FSHR: variants seen among roughly 807,000 people sequenced by gnomAD.
FSHR encodes follicle-stimulating hormone receptor.
A neutral mutation model predicts 52.1 loss-of-function variants in FSHR; 46 were observed. The ratio of observed to expected loss-of-function variants is 0.88; its 90% confidence interval spans 0.70 to 1.13. The LOEUF is 1.13. Ranked by LOEUF, FSHR falls within the 50% of genes most tolerant of loss-of-function variation. The pLI, the probability that FSHR is intolerant of heterozygous loss-of-function variation, is 0.00. For missense variants in FSHR, 964 were observed against 834.6 expected (o/e 1.16, Z -1.91); for synonymous variants, 399 against 309.6 (o/e 1.29, Z -3.03).
intron 6 of FSHR, among the ~76,000 whole-genome samples, chr2:48,986,016 T>G (rs1399924657): frequency 1.3e-5 from 2 of 152,176 alleles, no homozygotes; most frequent in African/African-American, 2.4e-5. Context: ...CCCGGCCGCA[T>G]GTACACGTTT....
chr2:49,087,823 T>G (rs1202731263), intron 1 of FSHR, among the ~76,000 whole-genome samples: 1 of 152,138 alleles, frequency 6.6e-6, no homozygotes, highest in Non-Finnish European at 1.5e-5. Context: ...TTATCTAAGT[T>G]TCTTAGGAAA....
chr2:49,100,035 A>G (rs1281454640), intron 1 of FSHR, among the ~76,000 whole-genome samples: 2 of 152,176 alleles, frequency 1.3e-5, no homozygotes, highest in Non-Finnish European at 2.9e-5. Context: ...TAATGGTAAT[A>G]GCTCACTTTC....
intron 1 of FSHR, among the ~76,000 whole-genome samples, chr2:49,131,307 A>G (rs1672253620): frequency 6.6e-6 from 1 of 152,162 alleles, no homozygotes; most frequent in Non-Finnish European, 1.5e-5. Flanking sequence ...ATTGGAGCCT[A>G]TTTGCTTTTA....
chr2:49,130,171 A>C (rs542362694), intron 1 of FSHR, among the ~76,000 whole-genome samples: 1 of 152,330 alleles, frequency 6.6e-6, no homozygotes, highest in Non-Finnish European at 1.5e-5. Context: ...AGGATAATAG[A>C]GGGGTCTGCC....
chr2:48,966,727 G>C (rs939858340), intron 9 of FSHR, among the ~76,000 whole-genome samples: 1 of 152,174 alleles, frequency 6.6e-6, no homozygotes, highest in Non-Finnish European at 1.5e-5. Context: ...GTTTGTGTGT[G>C]AATTTGATAA....
At chr2:49,095,246 A>G (rs1670779535) in intron 1 of FSHR, among the ~76,000 whole-genome samples, 3 of 152,178 alleles carry the variant, frequency 2.0e-5, no homozygotes, top group Admixed American at 6.5e-5. Context: ...AGCTACAGTA[A>G]TAAGATGTGG....
chr2:49,087,212 T>C (rs1670434168), intron 1 of FSHR, among the ~76,000 whole-genome samples: 1 of 151,860 alleles, frequency 6.6e-6, no homozygotes, highest in African/African-American at 2.4e-5. Flanking sequence ...CTCTTCTTTG[T>C]TCAATGGAGG....
At chr2:49,131,318 T>C (rs561741414) in intron 1 of FSHR, among the ~76,000 whole-genome samples, 2 of 152,326 alleles carry the variant, frequency 1.3e-5, no homozygotes, top group African/African-American at 4.8e-5. Context: ...TTTGCTTTTA[T>C]GCATAAAAGA....
At chr2:49,043,931 TC>T (rs1409234383) in intron 2 of FSHR, among the ~76,000 whole-genome samples, 6 of 152,194 alleles carry the variant, frequency 3.9e-5, no homozygotes, top group African/African-American at 1.2e-4. Flanking sequence ...CATAAAACCT[TC>T]TCTTGCTTCT....
intron 1 of FSHR, among the ~76,000 whole-genome samples, chr2:49,118,259 G>A (rs1026141310): frequency 6.6e-6 from 1 of 152,050 alleles, no homozygotes; most frequent in Admixed American, 6.6e-5. Flanking sequence ...GGAGGGGGAG[G>A]GAGCACAGAG....
intron 1 of FSHR, among the ~76,000 whole-genome samples, chr2:49,142,119 T>C (rs1672708932): frequency 6.6e-6 from 1 of 152,212 alleles, no homozygotes; most frequent in Non-Finnish European, 1.5e-5. Flanking sequence ...TTTCAACTCA[T>C]ATATGTATTG....
intron 2 of FSHR, among the ~76,000 whole-genome samples, chr2:49,067,797 T>C (rs1669563756): frequency 6.6e-6 from 1 of 152,202 alleles, no homozygotes; most frequent in Non-Finnish European, 1.5e-5. Flanking sequence ...CTTGCCTGCA[T>C]GAATACTTTG....
At chr2:48,988,230 TA>T (rs1344715606) in intron 6 of FSHR, among the ~76,000 whole-genome samples, 3 of 152,234 alleles carry the variant, frequency 2.0e-5, no homozygotes, top group African/African-American at 4.8e-5. Flanking sequence ...CATACTGGTA[TA>T]TTTTTTTAAA....
chr2:49,096,106 C>T (rs913377089), intron 1 of FSHR, among the ~76,000 whole-genome samples: 8 of 152,186 alleles, frequency 5.3e-5, no homozygotes, highest in African/African-American at 1.9e-4. Context: ...TCCAGAAATA[C>T]TACTCATATG....
At chr2:49,029,092 A>C (rs185830218) in intron 2 of FSHR, among the ~76,000 whole-genome samples, 1 of 152,334 alleles carries the variant, frequency 6.6e-6, no homozygotes, top group East Asian at 1.9e-4. Context: ...TTATTGATGG[A>C]TTAATTAGTA....
In FSHR at chr2:49,099,713, T is replaced by C. The variant is rs552017630; in HGVS notation, c.153-31423A>G. On this transcript the variant is annotated intron_variant, in intron 1 of 9. Transcript: ENST00000406846. Reference sequence around the variant, plus strand: ...GACGGCCATATGGAAATGGAAGAGATTGGAGTGATGCGTCTGTAAAACATG... The same window carrying C: ...GACGGCCATATGGAAATGGAAGAGACTGGAGTGATGCGTCTGTAAAACATG... Among the ~76,000 whole-genome samples the C allele has an allele frequency of 3.3e-5, 5 of 151,690 alleles. No homozygotes were observed. In the South Asian group the frequency reaches 1.1e-3, roughly 32 times the overall value.
intron 4 of FSHR, 27 bp downstream of exon 4, chr2:49,017,462 G>T (rs1194250395): frequency 1.3e-6 from 2 of 1,548,590 alleles, no homozygotes; most frequent in African/African-American, 2.7e-5. Flanking sequence ...AATCATAGTG[G>T]GGGTACCAAA....
At chr2:48,972,395 A>G (rs1674781541) in intron 8 of FSHR, among the ~76,000 whole-genome samples, 2 of 152,194 alleles carry the variant, frequency 1.3e-5, no homozygotes, top group Non-Finnish European at 2.9e-5. Context: ...GGGTCCCTGG[A>G]GATCAGAGTC....
intron 1 of FSHR, among the ~76,000 whole-genome samples, chr2:49,117,530 G>C (rs1391150730): frequency 1.3e-5 from 2 of 152,164 alleles, no homozygotes; most frequent in Non-Finnish European, 2.9e-5. Flanking sequence ...TGTTTATGCT[G>C]AGGAGCTATA....
Sources: gnomAD v4.1 joint callset for allele counts (sites outside exome capture counted in the v4.1 genomes callset) on GRCh38, gnomAD v4.1.1 for gene constraint, MANE v1.5 for transcripts, NCBI Gene and HGNC (gene_info 2026-07-23, HGNC 2026-07-21) for gene names.